DGKB: variants seen among roughly 807,000 people sequenced by gnomAD.
The protein encoded by DGKB is diacylglycerol kinase beta, also known as 90 kDa diacylglycerol kinase.
In DGKB, 67 loss-of-function variants were observed where a neutral mutation model predicts 114.3. The ratio of observed to expected loss-of-function variants is 0.59; its 90% CI spans 0.48 to 0.72. The LOEUF (loss-of-function observed/expected upper bound fraction) is 0.72. DGKB is among the 30% of genes least tolerant of loss of function. DGKB has a pLI of 0.00. For synonymous variants in DGKB, 398 were observed against 323.1 expected (o/e 1.23, Z -2.49); for missense variants, 907 against 975.2 (o/e 0.93, Z 0.93).
intron 21 of DGKB, among the ~76,000 whole-genome samples, chr7:14,475,980 T>C (rs1340195814): frequency 1.3e-5 from 2 of 152,078 alleles, no homozygotes; most frequent in African/African-American, 4.8e-5. Flanking sequence ...TTGTCAAATA[T>C]GATTAGCACA....
intron 23 of DGKB, among the ~76,000 whole-genome samples, chr7:14,309,670 C>T (rs1805046018): frequency 1.3e-5 from 2 of 152,204 alleles, no homozygotes; most frequent in African/African-American, 4.8e-5. Flanking sequence ...TGAAGTCATA[C>T]AGAGGCTGAC....
chr7:14,790,932 C>T (rs1223502171), intron 2 of DGKB, among the ~76,000 whole-genome samples: 3 of 152,094 alleles, frequency 2.0e-5, no homozygotes, highest in Admixed American at 6.5e-5. Context: ...AGACTCCCAA[C>T]CATGAATTGT....
At chr7:14,331,567 A>G (rs1246383884) in intron 23 of DGKB, among the ~76,000 whole-genome samples, 1 of 152,128 alleles carries the variant, frequency 6.6e-6, no homozygotes, top group East Asian at 1.9e-4. Context: ...TCAAATAAGA[A>G]TAACTTTTAC....
At chr7:14,174,445 C>T (rs576702081) in intron 25 of DGKB, among the ~76,000 whole-genome samples, 4 of 152,142 alleles carry the variant, frequency 2.6e-5, no homozygotes, top group Admixed American at 1.3e-4. Context: ...TAGCTGTGAC[C>T]GCTTCTCGAC....
intron 20 of DGKB, among the ~76,000 whole-genome samples, chr7:14,502,397 C>A (rs1293204832): frequency 6.6e-6 from 1 of 151,956 alleles, no homozygotes; most frequent in African/African-American, 2.4e-5. Flanking sequence ...AAGAAAAAAA[C>A]ATCCAGCTAT....
intron 12 of DGKB, among the ~76,000 whole-genome samples, chr7:14,676,344 A>G (rs1240109929): frequency 1.3e-5 from 2 of 152,116 alleles, no homozygotes; most frequent in Non-Finnish European, 1.5e-5. Context: ...AAGAATGAAT[A>G]AGACCTACTA....
chr7:14,342,977 C>T (rs927710372), intron 22 of DGKB, among the ~76,000 whole-genome samples: 2 of 151,618 alleles, frequency 1.3e-5, no homozygotes, highest in Admixed American at 1.3e-4. Context: ...TTTTTCAAAC[C>T]ATAGTAGGTA....
intron 15 of DGKB, among the ~76,000 whole-genome samples, chr7:14,618,114 G>A (rs185842259): frequency 8.8e-5 from 12 of 135,818 alleles, no homozygotes; most frequent in Admixed American, 5.7e-4. Context: ...AATGAGCAAA[G>A]GACATACACA....
intron 20 of DGKB, among the ~76,000 whole-genome samples, chr7:14,502,389 G>T (rs1786334622): frequency 6.6e-6 from 1 of 151,710 alleles, no homozygotes; most frequent in South Asian, 2.1e-4. Context: ...ATGAATCAAA[G>T]AAAAAAACAT....
At chr7:14,745,346 A>G (rs372375678) in intron 4 of DGKB, among the ~76,000 whole-genome samples, 201 of 152,336 alleles carry the variant, frequency 1.3e-3, no homozygotes, top group African/African-American at 4.5e-3. Flanking sequence ...GTGCCCCCTA[A>G]GAGCAGGAAG....
chr7:14,818,059 G>T (rs1487920838), intron 2 of DGKB, among the ~76,000 whole-genome samples: 2 of 152,024 alleles, frequency 1.3e-5, no homozygotes, highest in Non-Finnish European at 2.9e-5. Flanking sequence ...ATTTTCTCTT[G>T]GGTACACAAA....
At chr7:14,792,443 C>A (rs7796559) in intron 2 of DGKB, among the ~76,000 whole-genome samples, 53,022 of 151,884 alleles carry the variant, frequency 0.35, 10,352 homozygotes, top group African/African-American at 0.54. Flanking sequence ...TGGGACTAGG[C>A]AAGTCTCAAC....
intron 13 of DGKB, among the ~76,000 whole-genome samples, chr7:14,631,263 C>CAAAAAAAAAAAAAAAAA (rs35088925): frequency 1.0e-5 from 1 of 98,434 alleles, no homozygotes; most frequent in Non-Finnish European, 2.0e-5. Context: ...CAGCAAGAAC[C>CAAAAAAAAAAAAAAAAA]AAAAAAAAAA....
At chr7:14,155,546 C>CT (rs760768609) in intron 25 of DGKB, among the ~76,000 whole-genome samples, 11 of 152,124 alleles carry the variant, frequency 7.2e-5, no homozygotes, top group Non-Finnish European at 1.3e-4. Flanking sequence ...GGGCTGGTGC[C>CT]ATACCAGAGG....
chr7:14,849,805 C>A (rs1849108402), intron 1 of DGKB, among the ~76,000 whole-genome samples: 1 of 152,118 alleles, frequency 6.6e-6, no homozygotes, highest in Non-Finnish European at 1.5e-5. Context: ...TGATCAGTCT[C>A]ACCAATTTCA....
At chr7:14,358,107 T>A (rs544450347) in intron 21 of DGKB, among the ~76,000 whole-genome samples, 1 of 152,232 alleles carries the variant, frequency 6.6e-6, no homozygotes, top group East Asian at 1.9e-4. Context: ...TTTGTGGTGG[T>A]CTCTGTATTT....
intron 2 of DGKB, among the ~76,000 whole-genome samples, chr7:14,759,387 T>C (rs1423884360): frequency 6.6e-6 from 1 of 152,154 alleles, no homozygotes; most frequent in East Asian, 1.9e-4. Flanking sequence ...AAAGAAACCT[T>C]ATGCCCATTA....
At chr7:14,258,403 T>C (rs1303076567) in intron 23 of DGKB, among the ~76,000 whole-genome samples, 1 of 152,236 alleles carries the variant, frequency 6.6e-6, no homozygotes, top group Non-Finnish European at 1.5e-5. Context: ...AAACACTTTT[T>C]AGATTTGTTG....
chr7:14,397,238 T>C (rs1444593333), intron 21 of DGKB, among the ~76,000 whole-genome samples: 1 of 152,140 alleles, frequency 6.6e-6, no homozygotes, highest in Non-Finnish European at 1.5e-5. Flanking sequence ...AAATACCAGT[T>C]TCACTAGTAC....
Sources: allele counts gnomAD v4.1 joint callset (sites outside exome capture counted in the v4.1 genomes callset), GRCh38; gene constraint gnomAD v4.1.1; transcripts MANE v1.5; gene names NCBI Gene and HGNC (gene_info 2026-07-23, HGNC 2026-07-21).